The following UNC5D variants were observed in gnomAD, a reference collection of about 807,000 sequenced individuals.
The protein encoded by UNC5D is unc-5 netrin receptor D.
In UNC5D, 39 loss-of-function variants were observed where a neutral mutation model predicts 105.4. The ratio of observed to expected loss-of-function variants is 0.37; its 90% confidence interval spans 0.29 to 0.48. UNC5D has a LOEUF of 0.48. Ranked by LOEUF, UNC5D falls within the 20% of genes least tolerant of loss-of-function variation. The probability of loss-of-function intolerance (pLI) is 0.98; values close to 1 mark genes in which losing one functional copy is unlikely to be tolerated. For synonymous variants in UNC5D, 452 were observed against 450.4 expected (o/e 1.00, Z -0.04); for missense variants, 991 against 1,202.4 (o/e 0.82, Z 2.60).
chr8:35,566,493 T>G (rs919287660), intron 2 of UNC5D, among the ~76,000 whole-genome samples: 15 of 152,228 alleles, frequency 9.9e-5, no homozygotes, highest in African/African-American at 3.6e-4. Flanking sequence ...GTTCCATGTA[T>G]TAACCTTATT....
At chr8:35,451,778 T>A (rs932679555) in intron 1 of UNC5D, among the ~76,000 whole-genome samples, 1 of 152,192 alleles carries the variant, frequency 6.6e-6, no homozygotes, top group African/African-American at 2.4e-5. Flanking sequence ...TATCATGTCA[T>A]GGTTATGTGC....
At chr8:35,394,212 A>T (rs1307376046) in intron 1 of UNC5D, among the ~76,000 whole-genome samples, 1 of 152,234 alleles carries the variant, frequency 6.6e-6, no homozygotes, top group Non-Finnish European at 1.5e-5. Context: ...GTGATGAAAA[A>T]TTAGAAATAA....
At chr8:35,684,119 T>G (rs753973295) in intron 5 of UNC5D, among the ~76,000 whole-genome samples, 1 of 152,308 alleles carries the variant, frequency 6.6e-6, no homozygotes, top group African/African-American at 2.4e-5. Flanking sequence ...TCCCCTGGTA[T>G]GTGAAATCCT....
intron 4 of UNC5D, among the ~76,000 whole-genome samples, chr8:35,632,473 T>A (rs1451793945): frequency 6.6e-6 from 1 of 152,236 alleles, no homozygotes; most frequent in Non-Finnish European, 1.5e-5. Context: ...GAGTGTCATT[T>A]GACCTCAAGC....
chr8:35,641,366 C>CAAAAAAAAA (rs377021599), intron 4 of UNC5D, among the ~76,000 whole-genome samples: 19 of 44,282 alleles, frequency 4.3e-4, no homozygotes, highest in Non-Finnish European at 5.5e-4. Flanking sequence ...AAAAATAAAG[C>CAAAAAAAAA]AAAAAAAAAA....
chr8:35,293,716 G>A (rs1454464386), intron 1 of UNC5D, among the ~76,000 whole-genome samples: 1 of 152,192 alleles, frequency 6.6e-6, no homozygotes, highest in Non-Finnish European at 1.5e-5. Flanking sequence ...GTCAGGATTT[G>A]ATGGCGTTCA....
At chr8:35,789,788 T>C (rs1360141784) in intron 16 of UNC5D, among the ~76,000 whole-genome samples, 1 of 152,074 alleles carries the variant, frequency 6.6e-6, no homozygotes, top group Admixed American at 6.6e-5. Flanking sequence ...AAAGCTCTTA[T>C]GTTTGCCAAA....
chr8:35,570,135 C>T (rs1371408912), intron 3 of UNC5D, among the ~76,000 whole-genome samples: 1 of 152,164 alleles, frequency 6.6e-6, no homozygotes, highest in Non-Finnish European at 1.5e-5. Context: ...TTCCCGTTGC[C>T]ATTCATGGTG....
At chr8:35,773,705 C>T (rs916370841) in intron 15 of UNC5D, among the ~76,000 whole-genome samples, 10 of 145,738 alleles carry the variant, frequency 6.9e-5, no homozygotes, top group Non-Finnish European at 1.5e-4. Context: ...TCTGCTCTCA[C>T]CTGACAGTTT....
At chr8:35,673,171 A>G (rs922080450) in intron 4 of UNC5D, among the ~76,000 whole-genome samples, 1 of 152,216 alleles carries the variant, frequency 6.6e-6, no homozygotes, top group African/African-American at 2.4e-5. Context: ...ATCAATCTGT[A>G]GAGCCTGGAA....
At chr8:35,616,846 A>G (rs1821057046) in intron 4 of UNC5D, among the ~76,000 whole-genome samples, 1 of 152,230 alleles carries the variant, frequency 6.6e-6, no homozygotes, top group African/African-American at 2.4e-5. Context: ...GGTAGTAAGC[A>G]TTTTTAAAGA....
chr8:35,300,497 A>G (rs564685198), intron 1 of UNC5D, among the ~76,000 whole-genome samples: 21 of 122,988 alleles, frequency 1.7e-4, no homozygotes, highest in African/African-American at 6.0e-4. Context: ...AAAAAAAAGC[A>G]GAGTAATGTT....
intron 1 of UNC5D, among the ~76,000 whole-genome samples, chr8:35,311,099 G>C (rs1045020753): frequency 6.6e-6 from 1 of 152,112 alleles, no homozygotes; most frequent in Non-Finnish European, 1.5e-5. Context: ...CCTGAAACAG[G>C]TCTTGGAGCC....
intron 1 of UNC5D, among the ~76,000 whole-genome samples, chr8:35,443,791 T>C (rs544478922): frequency 1.4e-4 from 22 of 152,104 alleles, no homozygotes; most frequent in Non-Finnish European, 2.5e-4. Context: ...TATAGAATTA[T>C]ATTTGCATAT....
chr8:35,763,502 A>C (rs941675299), intron 14 of UNC5D, among the ~76,000 whole-genome samples: 23 of 149,934 alleles, frequency 1.5e-4, no homozygotes, highest in Non-Finnish European at 2.7e-4. Flanking sequence ...ATCAAATTGC[A>C]GAAAATGTAC....
At chr8:35,514,871 C>G (rs78965520) in intron 1 of UNC5D, among the ~76,000 whole-genome samples, 1 of 152,162 alleles carries the variant, frequency 6.6e-6, no homozygotes, top group African/African-American at 2.4e-5. Flanking sequence ...ATTTTGTCTT[C>G]TTCAGCTGGC....
chr8:35,707,465 A>G (rs1453714361), intron 8 of UNC5D, among the ~76,000 whole-genome samples: 1 of 152,152 alleles, frequency 6.6e-6, no homozygotes, highest in Non-Finnish European at 1.5e-5. Flanking sequence ...CTGGCTGTGT[A>G]TATGTGTGTT....
chr8:35,462,072 T>G (rs896529727), intron 1 of UNC5D, among the ~76,000 whole-genome samples: 1 of 152,122 alleles, frequency 6.6e-6, no homozygotes, highest in Non-Finnish European at 1.5e-5. Flanking sequence ...AAAAGATTAT[T>G]TAAGGGTTAT....
At chr8:35,445,601 T>C (rs1450143893) in intron 1 of UNC5D, among the ~76,000 whole-genome samples, 1 of 152,058 alleles carries the variant, frequency 6.6e-6, no homozygotes, top group Non-Finnish European at 1.5e-5. Context: ...AAACAAGTGT[T>C]GAAGGTGAGC....
Sources: allele counts gnomAD v4.1 joint callset (sites outside exome capture counted in the v4.1 genomes callset), GRCh38; gene constraint gnomAD v4.1.1; transcripts MANE v1.5; gene names NCBI Gene and HGNC (gene_info 2026-07-23, HGNC 2026-07-21).